Variants in R3HDM2 observed in about 807,000 individuals in gnomAD.
R3HDM2 encodes the protein R3H domain-containing protein 2.
Under a neutral mutation model 124.5 loss-of-function variants are expected in R3HDM2, and 38 were observed. That is an observed-to-expected ratio of 0.31 (90% CI 0.24 to 0.40). The LOEUF (loss-of-function observed/expected upper bound fraction) is 0.40, where lower values mean the gene tolerates loss of function less well. R3HDM2 is among the 10% of genes least tolerant of loss of function. R3HDM2 has a pLI of 1.00. For missense variants in R3HDM2, 869 were observed against 1,236.9 expected, an observed-to-expected ratio of 0.70 and a Z score of 4.46; for synonymous variants, 391 against 448.0, an observed-to-expected ratio of 0.87 and a Z score of 1.61.
intron 2 of R3HDM2, among the ~76,000 whole-genome samples, chr12:57,369,076 C>G (rs961570352): frequency 6.6e-6 from 1 of 152,120 alleles, no homozygotes; most frequent in Non-Finnish European, 1.5e-5. Context: ...AGTTTTCCTC[C>G]TAGCCTTTAC....
chr12:57,273,492 T>C (rs2044036681), intron 14 of R3HDM2, among the ~76,000 whole-genome samples: 1 of 152,178 alleles, frequency 6.6e-6, no homozygotes, highest in Admixed American at 6.5e-5. Flanking sequence ...GAAAATAACA[T>C]TGGTATATAT....
chr12:57,287,996 G>A (rs527493008), intron 12 of R3HDM2, among the ~76,000 whole-genome samples: 2 of 151,378 alleles, frequency 1.3e-5, no homozygotes, highest in African/African-American at 4.8e-5. Flanking sequence ...CCATTCTAAG[G>A]CAGAGAGGTC....
chr12:57,332,252 T>C (rs1203684980), intron 2 of R3HDM2, among the ~76,000 whole-genome samples: 3 of 149,304 alleles, frequency 2.0e-5, no homozygotes, highest in Non-Finnish European at 4.5e-5. Context: ...TCTACAAAAA[T>C]AAAAATAAAA....
rs117268394 is a variant in R3HDM2 at position 57,344,308 on chromosome 12, A to T, written c.-35-33845T>A. 5.4e-3 allele frequency among the ~76,000 whole-genome samples: 830 copies of T among 152,326 alleles called. 4 individuals are homozygous for T. Among genetic ancestry groups the T allele is most frequent in the Admixed American group, 9.5e-3 (145 of 15,296 alleles). On this transcript the variant is annotated intron_variant, in intron 2 of 23. Transcript: ENST00000402412. ...GACTTTGGAATCATCACTCACGAAA[A>T]GCTGCACGGAACTTGAAGTTGAACA...
chr12:57,269,992 T>G lies in R3HDM2; in HGVS notation c.1347A>C (p.Ala449=). 6.2e-7 allele frequency: 1 copy of G among 1,614,228 alleles called. No individual in the cohort carries two copies. The highest frequency in any genetic ancestry group is 8.5e-7 in the Non-Finnish European group (1 of 1,180,034). ...GTCCAAAGGGGTTGCTGAGGTCATC[T>G]GCCTGTTGAGAGAGTATAAGACACA... is the stretch of plus-strand genomic sequence containing the variant. The part of the protein sequence containing the change: ...PPLNNHMISQ[A]DDLSNPFGQM... Residue 449 remains alanine, a splice_region_variant and synonymous_variant, in exon 15 of 24, where the codon GCA becomes GCC. Coordinates refer to ENST00000402412, the MANE Select transcript of R3HDM2 (RefSeq NM_001394031.1).
chr12:57,269,069 C>T lies in R3HDM2; in HGVS notation c.1728G>A (p.Met576Ile), dbSNP rs73338188. The change falls in exon 17 of 24, where the codon ATG (methionine) becomes ATA (isoleucine). Residue 576 changes from methionine (M) to isoleucine (I), a missense_variant. Around this residue, in one of 2 missense-constraint regions of R3HDM2, gnomAD observed 602 missense variants for 789.2 expected, o/e 0.76. Transcript: ENST00000402412. ...AAGCCGCCTGCTGCTGGTTAGGCAT[C>T]ATGGGCTGTAAACCTAGAGATGGGC... ...QPSQQPGLQP[M>I]MPNQQQAAYQ... The T allele has an allele frequency of 1.9e-6, 3 of 1,614,216 alleles. No homozygotes were observed. Among genetic ancestry groups the T allele is most frequent in the Non-Finnish European group, 2.5e-6 (3 of 1,180,030 alleles).
chr12:57,387,954 CA>C (rs2066089177), intron 2 of R3HDM2, among the ~76,000 whole-genome samples: 2 of 99,534 alleles, frequency 2.0e-5, no homozygotes, highest in Non-Finnish European at 4.0e-5. Context: ...GGCCTCAAGA[CA>C]GACAAAAAAA....
At chr12:57,410,511 AT>A (rs1418485594) in intron 1 of R3HDM2, among the ~76,000 whole-genome samples, 1 of 152,122 alleles carries the variant, frequency 6.6e-6, no homozygotes. Context: ...GCTCAAATGT[AT>A]TGCCTCATCC....
chr12:57,261,024 T>A (rs886615189), intron 19 of R3HDM2, among the ~76,000 whole-genome samples: 3 of 152,116 alleles, frequency 2.0e-5, no homozygotes, highest in African/African-American at 7.2e-5. Flanking sequence ...GATATCCCCA[T>A]CTCCTGCCAA....
intron 1 of R3HDM2, among the ~76,000 whole-genome samples, chr12:57,401,599 T>A (rs1231104200): frequency 6.6e-6 from 1 of 152,218 alleles, no homozygotes; most frequent in Non-Finnish European, 1.5e-5. Context: ...AATAGATTTA[T>A]TACGAATGAT....
At chr12:57,414,154 T>C (rs2069307946) in intron 1 of R3HDM2, among the ~76,000 whole-genome samples, 1 of 150,856 alleles carries the variant, frequency 6.6e-6, no homozygotes, top group Non-Finnish European at 1.5e-5. Context: ...CAGCCCACTC[T>C]ATCTTTTTTT....
At position 57,269,827 on chromosome 12, in the gene R3HDM2, G is replaced by C. The variant is rs751029462; in HGVS notation, c.1512C>G (p.Asn504Lys). Residue 504 changes from asparagine to lysine, a missense_variant, in exon 15 of 24, where the codon AAC becomes AAG. This residue lies in a region of R3HDM2 where 602 missense variants were observed against 789.2 expected (regional missense o/e 0.76). Transcript: ENST00000402412. Reference protein sequence around the residue: ...ASTGQPLPTSNYSTSSHAPPT... With the variant: ...ASTGQPLPTSKYSTSSHAPPT... ...GTGGTGCATGGCTAGAGGTGGAATA[G>C]TTGGAAGTGGGGAGGGGCTGACCCG... The C allele has an allele frequency of 6.2e-7, 1 of 1,614,212 alleles. No individual in the cohort carries two copies. The highest frequency in any genetic ancestry group is 8.5e-7 in the Non-Finnish European group (1 of 1,180,024).
intron 4 of R3HDM2, among the ~76,000 whole-genome samples, chr12:57,302,201 AAC>A (rs2051349193): frequency 6.6e-6 from 1 of 152,064 alleles, no homozygotes. Flanking sequence ...GAATCACTTG[AAC>A]ACGGAAGGCA....
chr12:57,318,120 T>C (rs1232742781), intron 2 of R3HDM2, among the ~76,000 whole-genome samples: 1 of 150,632 alleles, frequency 6.6e-6, no homozygotes, highest in African/African-American at 2.5e-5. Flanking sequence ...TCAAACCCCA[T>C]CTCTACTAAA....
intron 2 of R3HDM2, among the ~76,000 whole-genome samples, chr12:57,386,267 G>C (rs1316832936): frequency 2.0e-5 from 3 of 152,172 alleles, no homozygotes; most frequent in Non-Finnish European, 4.4e-5. Flanking sequence ...TCCTGGGCTC[G>C]CCGAGGCGGG....
intron 3 of R3HDM2, among the ~76,000 whole-genome samples, chr12:57,307,722 G>A (rs1385375276): frequency 2.0e-5 from 3 of 151,610 alleles, no homozygotes; most frequent in Non-Finnish European, 4.4e-5. Flanking sequence ...TGCCTCCCGG[G>A]TTCAAGCATT....
intron 2 of R3HDM2, among the ~76,000 whole-genome samples, chr12:57,334,152 G>C (rs947516131): frequency 6.6e-5 from 10 of 152,202 alleles, no homozygotes; most frequent in Non-Finnish European, 1.5e-4. Flanking sequence ...GGCTGCAGTA[G>C]CAGCTCAATT....
At chr12:57,322,632 T>G (rs1050707331) in intron 2 of R3HDM2, among the ~76,000 whole-genome samples, 2 of 152,200 alleles carry the variant, frequency 1.3e-5, no homozygotes, top group Non-Finnish European at 2.9e-5. Flanking sequence ...TCGACTTTTT[T>G]TTAATTATTT....
intron 9 of R3HDM2, among the ~76,000 whole-genome samples, chr12:57,295,931 G>A (rs1259375443): frequency 1.3e-5 from 2 of 152,136 alleles, no homozygotes; most frequent in African/African-American, 4.8e-5. Context: ...AGTGCATGGC[G>A]TGATCTTGGC....
Sources: allele counts gnomAD v4.1 joint callset (sites outside exome capture counted in the v4.1 genomes callset), GRCh38; gene constraint gnomAD v4.1.1; regional missense constraint gnomAD v4.1.1; transcripts MANE v1.5; gene names NCBI Gene and HGNC (gene_info 2026-07-23, HGNC 2026-07-21).